ZNF608: variants seen among roughly 807,000 people sequenced by gnomAD.
ZNF608 encodes the protein zinc finger protein 608, also known as renal carcinoma antigen NY-REN-36.
A neutral mutation model predicts 109.0 loss-of-function variants in ZNF608; 12 were observed. That is an observed-to-expected ratio of 0.11 (90% CI 0.07 to 0.18). ZNF608 has a LOEUF of 0.18. ZNF608 is among the 10% of genes least tolerant of loss of function. ZNF608 has a pLI of 1.00. For synonymous variants in ZNF608, 732 were observed against 717.4 expected (o/e 1.02, Z -0.33); for missense variants, 1,707 against 1,879.3 (o/e 0.91, Z 1.70).
At chr5:124,725,198 A>G (rs1754091153) in intron 2 of ZNF608, among the ~76,000 whole-genome samples, 1 of 151,852 alleles carries the variant, frequency 6.6e-6, no homozygotes, top group Admixed American at 6.6e-5. Context: ...AACATAAACA[A>G]ATAAAATTCT....
chr5:124,648,508 C>T lies in ZNF608; in HGVS notation c.1876G>A (p.Ala626Thr). ...GGTGGGTTTCCAGCACCAGGGGATG[C>T]CGGTGCCTTCAACTGGTCATAAGCA... ...VSAYDQLKAPASPGAGNPPGT... is the reference protein window; with the variant it reads ...VSAYDQLKAPTSPGAGNPPGT... The change falls in exon 5 of 10, where the codon GCA becomes ACA. Residue 626 changes from alanine (A) to threonine (T), a missense_variant. Ala to Thr is a moderately conservative substitution (Grantham distance 58). Around this residue, in one of 7 missense-constraint regions of ZNF608, gnomAD observed 1,073 missense variants for 1,133.5 expected, o/e 0.95. Coordinates refer to ENST00000513986, the MANE Select transcript of ZNF608 (RefSeq NM_020747.3). 1.9e-6 allele frequency: 3 copies of T among 1,614,200 alleles called. No homozygotes were observed. Among genetic ancestry groups the T allele is most frequent in the Non-Finnish European group, 2.5e-6 (3 of 1,180,026 alleles).
rs1580730033 is a variant in ZNF608, at chr5:124,744,315, A to G, written c.675T>C (p.Ser225=). The change falls in exon 2 of 10, where the codon AGT becomes AGC. Residue 225 remains serine, a synonymous_variant. Coordinates refer to ENST00000513986, the MANE Select transcript of ZNF608 (RefSeq NM_020747.3). The surrounding 1 kb of genome is among the most constrained non-coding windows in gnomAD (Gnocchi z 4.5). ...HDLLQGHQNG[S]GSQAPSGGHL... ...GCCCCCCGGAAGGGGCCTGGCTGCCACTGCCATTCTGGTGGCCCTGAAGCA... is the reference window on the plus strand; with the variant it reads ...GCCCCCCGGAAGGGGCCTGGCTGCCGCTGCCATTCTGGTGGCCCTGAAGCA... 6.2e-7 allele frequency: 1 copy of G among 1,614,038 alleles called. No homozygotes were observed. Among genetic ancestry groups the G allele is most frequent in the African/African-American group, 1.3e-5 (1 of 74,942 alleles).
intron 2 of ZNF608, among the ~76,000 whole-genome samples, chr5:124,739,807 T>A (rs1283785405): frequency 1.3e-5 from 2 of 152,184 alleles, no homozygotes; most frequent in Non-Finnish European, 2.9e-5. Context: ...TCAATCCCTC[T>A]TTTTCACGCT....
Position 124,644,521 on chromosome 5 carries a change from G to A in ZNF608, c.3846C>T (p.Pro1282=). The change falls in exon 6 of 10, where the codon CCC becomes CCT. Residue 1282 remains proline (P), a synonymous_variant. Coordinates refer to ENST00000513986, the MANE Select transcript of ZNF608 (RefSeq NM_020747.3). ...RKTPNKESGV[P]SLPVSLTSIK... ...TGCTTGTTAACGATACAGGAAGGCTGGGCACACCACTCTCTTTATTAGGAG... is the reference window on the plus strand; with the variant it reads ...TGCTTGTTAACGATACAGGAAGGCTAGGCACACCACTCTCTTTATTAGGAG... 2 of 1,614,064 alleles carry A rather than the reference G, an allele frequency of 1.2e-6. No individual in the cohort carries two copies. Among genetic ancestry groups the A allele is most frequent in the South Asian group, 1.1e-5 (1 of 91,074 alleles).
intron 3 of ZNF608, among the ~76,000 whole-genome samples, chr5:124,662,165 T>C (rs1751290319): frequency 6.6e-6 from 1 of 152,246 alleles, no homozygotes; most frequent in Non-Finnish European, 1.5e-5. Flanking sequence ...CATGATGACT[T>C]AAATTGTCTT....
At chr5:124,685,630 A>AAC (rs1326111180) in intron 3 of ZNF608, among the ~76,000 whole-genome samples, 55 of 152,030 alleles carry the variant, frequency 3.6e-4, no homozygotes, top group Non-Finnish European at 2.4e-4. Context: ...AAAAAAAAAA[A>AAC]AACAACAACA....
In ZNF608 at chr5:124,658,845, A is replaced by G. The variant is rs115151485; in HGVS notation, c.1163-9148T>C. ...TTTTCTTCTTTTAAATAAAAGTGTTAAAAAGTTTGGGAAAGGTATTTTGTA... is the reference window on the plus strand; with the variant it reads ...TTTTCTTCTTTTAAATAAAAGTGTTGAAAAGTTTGGGAAAGGTATTTTGTA... On this transcript the variant is annotated intron_variant, in intron 3 of 9. Transcript: ENST00000513986. Among the ~76,000 whole-genome samples the G allele has an allele frequency of 4.7e-3, 715 of 152,330 alleles. 5 individuals carry two copies. Among genetic ancestry groups the G allele is most frequent in the African/African-American group, 0.016 (679 of 41,564 alleles).
chr5:124,668,049 C>A (rs1331208781), intron 3 of ZNF608, among the ~76,000 whole-genome samples: 1 of 151,728 alleles, frequency 6.6e-6, no homozygotes, highest in Non-Finnish European at 1.5e-5. Context: ...ATAAAATAAA[C>A]ACCAACAAAC....
At chr5:124,675,737 C>A (rs1046436142) in intron 3 of ZNF608, among the ~76,000 whole-genome samples, 1 of 152,216 alleles carries the variant, frequency 6.6e-6, no homozygotes, top group African/African-American at 2.4e-5. Flanking sequence ...CTTTCTCCAT[C>A]CATTTTTATG....
chr5:124,747,806 G>A (rs975068472), upstream of ZNF608, among the ~76,000 whole-genome samples: 1 of 152,302 alleles, frequency 6.6e-6, no homozygotes, highest in East Asian at 1.9e-4. Flanking sequence ...CAATTTGTCG[G>A]CTTTCCCAAG....
chr5:124,686,585 C>A (rs1752420151), intron 3 of ZNF608, among the ~76,000 whole-genome samples: 1 of 152,202 alleles, frequency 6.6e-6, no homozygotes, highest in Admixed American at 6.5e-5. Context: ...CTGGAACTGG[C>A]TGGCTTTTTG....
At chr5:124,742,543 C>T (rs1416963646) in intron 2 of ZNF608, among the ~76,000 whole-genome samples, 1 of 152,108 alleles carries the variant, frequency 6.6e-6, no homozygotes, top group Non-Finnish European at 1.5e-5. Context: ...TTCAGAACAC[C>T]TTTTAGCGGA....
intron 3 of ZNF608, among the ~76,000 whole-genome samples, chr5:124,655,843 G>A (rs909024680): frequency 4.6e-5 from 7 of 152,182 alleles, no homozygotes; most frequent in Non-Finnish European, 1.0e-4. Flanking sequence ...TCCAGCCTCG[G>A]AGCTTATAAC....
At chr5:124,650,349 T>C (rs1750722799) in intron 3 of ZNF608, among the ~76,000 whole-genome samples, 2 of 152,220 alleles carry the variant, frequency 1.3e-5, no homozygotes, top group South Asian at 4.1e-4. Context: ...TTGTTTCATA[T>C]TAAGGACTCC....
chr5:124,638,833 T>A, intron 9 of ZNF608: 1 of 1,136,460 alleles, frequency 8.8e-7, no homozygotes, highest in East Asian at 5.2e-5. Context: ...TCTTTAAACA[T>A]AATAAAACAA....
At chr5:124,735,030 A>C (rs1749079240) in intron 2 of ZNF608, 1 of 152,214 alleles carries the variant, frequency 6.6e-6, no homozygotes, top group Non-Finnish European at 1.5e-5. Context: ...TACCCAGTAT[A>C]TTCGGCTTTC....
At chr5:124,639,035 A>G in intron 9 of ZNF608, 98 bp downstream of exon 9, 2 of 1,165,348 alleles carry the variant, frequency 1.7e-6, no homozygotes, top group East Asian at 2.6e-5. Flanking sequence ...ATAAAACCCA[A>G]GGAGTTAAGT....
chr5:124,644,036 A>G (rs1750376599), intron 6 of ZNF608, among the ~76,000 whole-genome samples: 1 of 152,236 alleles, frequency 6.6e-6, no homozygotes, highest in Admixed American at 6.5e-5. Flanking sequence ...GCAGACCATC[A>G]GAGACTATGG....
chr5:124,665,729 T>C (rs973716386), intron 3 of ZNF608, among the ~76,000 whole-genome samples: 13 of 152,216 alleles, frequency 8.5e-5, no homozygotes, highest in Admixed American at 2.0e-4. Context: ...ATGAGGTACA[T>C]TTGTCTCTCA....
Sources: allele counts gnomAD v4.1 joint callset (sites outside exome capture counted in the v4.1 genomes callset), GRCh38; gene constraint gnomAD v4.1.1; regional missense constraint gnomAD v4.1.1; non-coding constraint Gnocchi (gnomAD v3.1); transcripts MANE v1.5; gene names NCBI Gene and HGNC (gene_info 2026-07-23, HGNC 2026-07-21).